Variants in SDK1 observed in about 807,000 individuals in gnomAD.
The protein encoded by SDK1 is protein sidekick-1.
In SDK1, 157 loss-of-function variants were observed where a neutral mutation model predicts 245.5. The ratio of observed to expected loss-of-function variants is 0.64; its 90% CI spans 0.56 to 0.73. The LOEUF is 0.73. Among genes scored for constraint, SDK1 ranks in the 30% least tolerant of loss-of-function variants. The pLI is 0.00. For synonymous variants in SDK1, 1,647 were observed against 1,278.5 expected (o/e 1.29, Z -6.15); for missense variants, 3,583 against 3,002.3 (o/e 1.19, Z -4.52).
At chr7:3,396,292 T>C (rs1199372239) in intron 1 of SDK1, among the ~76,000 whole-genome samples, 1 of 151,902 alleles carries the variant, frequency 6.6e-6, no homozygotes, top group Non-Finnish European at 1.5e-5. Flanking sequence ...AATCTGCTAA[T>C]GCTTTCTTTG....
intron 2 of SDK1, among the ~76,000 whole-genome samples, chr7:3,627,364 G>A (rs181994210): frequency 2.6e-5 from 4 of 152,156 alleles, no homozygotes; most frequent in Admixed American, 6.5e-5. Flanking sequence ...AGTACAATGA[G>A]TCCCTGATCT....
rs996103320 is a variant in SDK1 at position 3,524,135 on chromosome 7, T to A, written c.299-94945T>A. Among the ~76,000 whole-genome samples, 3 of 152,300 alleles carry A rather than the reference T, an allele frequency of 2.0e-5. No homozygotes were observed. The East Asian group carries it at 5.8e-4, about 29-fold the overall frequency. ...GAAGGAAGGGAGTTAACTAAGTGGA[T>A]ATGTGGGGCAAGAACTTCCCAGAAT... On this transcript the variant is annotated intron_variant, in intron 1 of 44. Transcript: ENST00000404826.
rs117235432 is a variant in SDK1, at chr7:3,444,838, G to A, written c.298+142954G>A. On this transcript the variant is annotated intron_variant, in intron 1 of 44. Transcript: ENST00000404826. ...TCCTGCAAATGTGATCCCCTTTAGA[G>A]CCCTACCTGCATGGTTTGAATAGCC... 4.2e-3 allele frequency among the ~76,000 whole-genome samples: 645 copies of A among 152,272 alleles called. 7 individuals carry two copies. The highest frequency in any genetic ancestry group is 0.018 in the South Asian group (86 of 4,824).
At chr7:3,491,942 A>T (rs118056620) in intron 1 of SDK1, among the ~76,000 whole-genome samples, 2,211 of 152,334 alleles carry the variant, frequency 0.015, 32 homozygotes, top group South Asian at 0.034. Flanking sequence ...TGATACAGTG[A>T]ATACAGGTGT....
At chr7:3,661,780 A>G (rs1413978266) in intron 4 of SDK1, among the ~76,000 whole-genome samples, 1 of 152,142 alleles carries the variant, frequency 6.6e-6, no homozygotes, top group African/African-American at 2.4e-5. Context: ...CCTGGCTGTG[A>G]TACCTAATAG....
intron 4 of SDK1, among the ~76,000 whole-genome samples, chr7:3,805,445 G>A (rs991939083): frequency 6.6e-6 from 1 of 152,182 alleles, no homozygotes; most frequent in East Asian, 1.9e-4. Context: ...GTGACATGAC[G>A]TAGTCTTTGC....
chr7:3,487,280 A>G (rs965788185), intron 1 of SDK1, among the ~76,000 whole-genome samples: 2 of 152,140 alleles, frequency 1.3e-5, no homozygotes, highest in African/African-American at 4.8e-5. Flanking sequence ...TTGTTGAAAA[A>G]CATACAACTT....
chr7:3,650,719 C>A (rs1442801167), intron 4 of SDK1, among the ~76,000 whole-genome samples: 1 of 152,178 alleles, frequency 6.6e-6, no homozygotes, highest in East Asian at 1.9e-4. Flanking sequence ...CCCTCATCCC[C>A]TTCTTAAGCC....
intron 4 of SDK1, 25 bp from the exon 5 acceptor site, chr7:3,821,425 A>G (rs1333688322): frequency 1.2e-6 from 2 of 1,606,124 alleles, no homozygotes; most frequent in East Asian, 2.3e-5. Context: ...TAGCTTTGAC[A>G]CTGTCCTCTT....
chr7:3,302,554 AC>A (rs1357222306), intron 1 of SDK1: 1 of 151,890 alleles, frequency 6.6e-6, no homozygotes, highest in Non-Finnish European at 1.5e-5. Context: ...ACCTTTTGAA[AC>A]GAGAGATGGG....
intron 5 of SDK1, among the ~76,000 whole-genome samples, chr7:3,905,654 C>A (rs1170146385): frequency 6.6e-6 from 1 of 151,672 alleles, no homozygotes; most frequent in Admixed American, 6.6e-5. Context: ...GAGGAACGTT[C>A]TTGCTCTGTT....
At chr7:3,387,375 C>T (rs1336671079) in intron 1 of SDK1, among the ~76,000 whole-genome samples, 1 of 152,208 alleles carries the variant, frequency 6.6e-6, no homozygotes, top group Non-Finnish European at 1.5e-5. Flanking sequence ...TCTCCCACCT[C>T]CTTGTAGGAG....
chr7:3,437,492 C>A (rs1047087974), intron 1 of SDK1, among the ~76,000 whole-genome samples: 12 of 152,170 alleles, frequency 7.9e-5, no homozygotes, highest in South Asian at 6.2e-4. Context: ...GTGTGATCGG[C>A]TGGGTGCAGT....
intron 41 of SDK1, among the ~76,000 whole-genome samples, chr7:4,237,171 C>G (rs555331313): frequency 6.6e-6 from 1 of 152,262 alleles, no homozygotes; most frequent in South Asian, 2.1e-4. Flanking sequence ...GGACTTCAGG[C>G]ACACGCCTCT....
chr7:4,054,263 A>C (rs1291895626), intron 19 of SDK1, among the ~76,000 whole-genome samples: 1 of 152,156 alleles, frequency 6.6e-6, no homozygotes, highest in African/African-American at 2.4e-5. Flanking sequence ...ATTTTTATTG[A>C]GAGCATTACA....
At chr7:3,534,768 C>G (rs921856927) in intron 1 of SDK1, among the ~76,000 whole-genome samples, 1 of 152,144 alleles carries the variant, frequency 6.6e-6, no homozygotes, top group Non-Finnish European at 1.5e-5. Flanking sequence ...AAAGCAGCCC[C>G]AAATCATTTT....
At chr7:3,825,267 T>C (rs1779741562) in intron 5 of SDK1, among the ~76,000 whole-genome samples, 1 of 147,124 alleles carries the variant, frequency 6.8e-6, no homozygotes, top group South Asian at 2.1e-4. Context: ...TTAACCTTTG[T>C]GGAACAGAAC....
At chr7:4,083,611 TCTCTTGTCCCTCCCTCCCTC>T in intron 22 of SDK1, among the ~76,000 whole-genome samples, 2 of 106,210 alleles carry the variant, frequency 1.9e-5, no homozygotes, top group Non-Finnish European at 3.7e-5. Context: ...CTCCCTCCCT[TCTCTTGTCCCTCCCTCCCTC>T]CTTTCCTTCC....
intron 4 of SDK1, among the ~76,000 whole-genome samples, chr7:3,676,650 G>A (rs1041182352): frequency 6.6e-6 from 1 of 152,116 alleles, no homozygotes; most frequent in Admixed American, 6.5e-5. Flanking sequence ...TTAAGCTTGA[G>A]GTCTTATATT....
Sources: allele counts gnomAD v4.1 joint callset (sites outside exome capture counted in the v4.1 genomes callset), GRCh38; gene constraint gnomAD v4.1.1; transcripts MANE v1.5; gene names NCBI Gene and HGNC (gene_info 2026-07-23, HGNC 2026-07-21).